The following CSGALNACT1 variants were observed in gnomAD, a reference collection of about 807,000 sequenced individuals.
The protein encoded by CSGALNACT1 is beta4GalNAcT-1.
A neutral mutation model predicts 51.0 loss-of-function variants in CSGALNACT1; 52 were observed. The observed-to-expected ratio is 1.02, with a 90% confidence interval of 0.82 to 1.29. The LOEUF (loss-of-function observed/expected upper bound fraction) is 1.29. Among genes scored for constraint, CSGALNACT1 ranks in the 50% most tolerant of loss-of-function variants. The pLI is 0.00. For missense variants in CSGALNACT1, 935 were observed against 679.2 expected, an observed-to-expected ratio of 1.38 and a Z score of -4.19; for synonymous variants, 341 against 254.4, an observed-to-expected ratio of 1.34 and a Z score of -3.24.
intron 1 of CSGALNACT1, among the ~76,000 whole-genome samples, chr8:19,676,050 G>C (rs2060153700): frequency 7.3e-6 from 1 of 137,468 alleles, no homozygotes; most frequent in Non-Finnish European, 1.5e-5. Context: ...CTTGCAGCCT[G>C]AACCTAACCA....
At chr8:19,513,759 G>T (rs1203708799) in intron 3 of CSGALNACT1, among the ~76,000 whole-genome samples, 1 of 151,956 alleles carries the variant, frequency 6.6e-6, no homozygotes, top group Non-Finnish European at 1.5e-5. Flanking sequence ...ACCACATGTG[G>T]CTATAATAAA....
intron 1 of CSGALNACT1, among the ~76,000 whole-genome samples, chr8:19,720,161 CT>C (rs1478254442): frequency 3.3e-5 from 5 of 152,228 alleles, no homozygotes. Flanking sequence ...GCCACTACCC[CT>C]GTCCTTCTCC....
At position 19,598,113 on chromosome 8, in the gene CSGALNACT1, G is replaced by C. The variant is rs148407736; in HGVS notation, c.-416+3658C>G. ...CAGAATAAGACATGGAGGAGAGAAGGTGAAGCACAGGCTTGGAGGTAGAAC... is the reference window on the plus strand; with the variant it reads ...CAGAATAAGACATGGAGGAGAGAAGCTGAAGCACAGGCTTGGAGGTAGAAC... On this transcript the variant is annotated intron_variant, in intron 2 of 9. Coordinates refer to ENST00000454498, the Ensembl canonical transcript of CSGALNACT1. Among the ~76,000 whole-genome samples, 476 of 152,314 alleles carry C rather than the reference G, an allele frequency of 3.1e-3. 4 individuals are homozygous for C. Among genetic ancestry groups the C allele is most frequent in the African/African-American group, 0.011 (460 of 41,570 alleles).
At chr8:19,714,189 T>A (rs2062670789) in intron 1 of CSGALNACT1, among the ~76,000 whole-genome samples, 1 of 152,260 alleles carries the variant, frequency 6.6e-6, no homozygotes, top group Non-Finnish European at 1.5e-5. Flanking sequence ...TTTCAAACTT[T>A]TGTTGTCTGC....
chr8:19,533,610 A>G (rs2958556), intron 3 of CSGALNACT1, among the ~76,000 whole-genome samples: 45,971 of 151,902 alleles, frequency 0.3, 7,433 homozygotes, highest in Non-Finnish European at 0.36. Flanking sequence ...ATTTTTGATC[A>G]TATCTTTTCA....
At chr8:19,582,842 A>G (rs1175922447) in intron 3 of CSGALNACT1, among the ~76,000 whole-genome samples, 1 of 152,216 alleles carries the variant, frequency 6.6e-6, no homozygotes, top group Non-Finnish European at 1.5e-5. Context: ...TGCTAGAGCC[A>G]GTATGAACTG....
chr8:19,437,612 A>T (rs1245467593), intron 6 of CSGALNACT1, among the ~76,000 whole-genome samples: 4 of 152,178 alleles, frequency 2.6e-5, no homozygotes, highest in Non-Finnish European at 4.4e-5. Flanking sequence ...AACACCAAAA[A>T]ATTATTTATT....
At chr8:19,448,278 G>A (rs2062488467) in intron 5 of CSGALNACT1, among the ~76,000 whole-genome samples, 1 of 152,098 alleles carries the variant, frequency 6.6e-6, no homozygotes, top group Non-Finnish European at 1.5e-5. Flanking sequence ...AACACTTACT[G>A]GGCACCTTTG....
chr8:19,446,388 C>G (rs891666462), intron 5 of CSGALNACT1, among the ~76,000 whole-genome samples: 9 of 152,086 alleles, frequency 5.9e-5, no homozygotes, highest in African/African-American at 2.2e-4. Context: ...TCAGGAAACT[C>G]CAACTTCCTA....
chr8:19,736,301 C>T (rs955195234), intron 1 of CSGALNACT1, among the ~76,000 whole-genome samples: 5 of 152,022 alleles, frequency 3.3e-5, no homozygotes, highest in East Asian at 1.9e-4. Flanking sequence ...TTTCCTATGA[C>T]GACAGACTTG....
intron 5 of CSGALNACT1, among the ~76,000 whole-genome samples, chr8:19,440,730 G>A (rs2153751097): frequency 6.6e-6 from 1 of 151,852 alleles, no homozygotes; most frequent in South Asian, 2.1e-4. Context: ...CAATTAGGCA[G>A]GAGAAGGAAA....
At chr8:19,408,428 G>A (rs1200424482) in intron 9 of CSGALNACT1, among the ~76,000 whole-genome samples, 185 bp downstream of exon 8, 2 of 148,902 alleles carry the variant, frequency 1.3e-5, no homozygotes, top group Admixed American at 1.3e-4. Flanking sequence ...CCAAAGCACT[G>A]GGATTACAGG....
chr8:19,644,247 C>T (rs530211651), intron 1 of CSGALNACT1, among the ~76,000 whole-genome samples: 26 of 152,096 alleles, frequency 1.7e-4, no homozygotes, highest in South Asian at 1.0e-3. Flanking sequence ...ATCATTGTAA[C>T]GTTACTAGTA....
At chr8:19,575,099 T>G (rs1343245026) in intron 3 of CSGALNACT1, among the ~76,000 whole-genome samples, 1 of 152,182 alleles carries the variant, frequency 6.6e-6, no homozygotes, top group East Asian at 1.9e-4. Flanking sequence ...GGACTGGTTC[T>G]CAAAACTGCC....
chr8:19,490,126 A>G (rs1332753902), intron 4 of CSGALNACT1, among the ~76,000 whole-genome samples: 1 of 152,202 alleles, frequency 6.6e-6, no homozygotes, highest in Non-Finnish European at 1.5e-5. Flanking sequence ...AATCCTGATC[A>G]ATAGCCCTGC....
At chr8:19,622,654 T>C (rs768069414) in intron 1 of CSGALNACT1, among the ~76,000 whole-genome samples, 1 of 152,190 alleles carries the variant, frequency 6.6e-6, no homozygotes, top group Non-Finnish European at 1.5e-5. Flanking sequence ...GTAAAAGTAC[T>C]ACTTTAAATT....
intron 5 of CSGALNACT1, among the ~76,000 whole-genome samples, chr8:19,453,829 T>C (rs1454805953): frequency 1.3e-5 from 2 of 152,022 alleles, no homozygotes; most frequent in Non-Finnish European, 2.9e-5. Context: ...CGAGAAGCAC[T>C]TGAACCTGGG....
At chr8:19,605,254 G>A (rs2051204654), upstream of CSGALNACT1, among the ~76,000 whole-genome samples, 1 of 151,974 alleles carries the variant, frequency 6.6e-6, no homozygotes, top group Non-Finnish European at 1.5e-5. Context: ...TGGCCAACAT[G>A]GTGAAACCCC....
At chr8:19,482,383 T>C (rs2071651967) in intron 4 of CSGALNACT1, among the ~76,000 whole-genome samples, 1 of 152,186 alleles carries the variant, frequency 6.6e-6, no homozygotes, top group Non-Finnish European at 1.5e-5. Flanking sequence ...AGAGGACTTT[T>C]TCCTTTTCTT....
Sources: gnomAD v4.1 joint callset for allele counts (sites outside exome capture counted in the v4.1 genomes callset) on GRCh38, gnomAD v4.1.1 for gene constraint, MANE v1.5 for transcripts, NCBI Gene and HGNC (gene_info 2026-07-23, HGNC 2026-07-21) for gene names.